The following RBFOX1 variants were observed in gnomAD, a reference collection of about 807,000 sequenced individuals.
RBFOX1 encodes RNA binding fox-1 homolog 1.
A neutral mutation model predicts 57.7 loss-of-function variants in RBFOX1; 8 were observed. The observed-to-expected ratio is 0.14, with a 90% CI of 0.08 to 0.25. RBFOX1 has a LOEUF of 0.25. Ranked by LOEUF, RBFOX1 falls within the 10% of genes least tolerant of loss-of-function variation. The probability of loss-of-function intolerance (pLI) is 1.00; values close to 1 mark genes in which losing one functional copy is unlikely to be tolerated. For missense variants in RBFOX1, 611 were observed against 548.5 expected, an observed-to-expected ratio of 1.11 and a Z score of -1.14; for synonymous variants, 326 against 222.4, an observed-to-expected ratio of 1.47 and a Z score of -4.15.
At chr16:6,066,893 C>T (rs752382757) in intron 1 of RBFOX1, among the ~76,000 whole-genome samples, 2 of 151,884 alleles carry the variant, frequency 1.3e-5, no homozygotes, top group Admixed American at 1.3e-4. Context: ...TAACAGGCTG[C>T]ATTTGACCGT....
intron 3 of RBFOX1, among the ~76,000 whole-genome samples, chr16:6,938,417 C>T (rs2077733831): frequency 6.6e-6 from 1 of 152,158 alleles, no homozygotes; most frequent in African/African-American, 2.4e-5. Context: ...AAAAATGTAA[C>T]TGTTACACTG....
intron 3 of RBFOX1, among the ~76,000 whole-genome samples, chr16:6,813,231 A>G (rs1051258053): frequency 3.3e-5 from 5 of 152,156 alleles, no homozygotes. Flanking sequence ...TGAAATTTAC[A>G]CTTCTCCGGT....
intron 4 of RBFOX1, among the ~76,000 whole-genome samples, chr16:7,064,386 C>T (rs374302759): frequency 6.6e-6 from 1 of 152,066 alleles, no homozygotes; most frequent in Non-Finnish European, 1.5e-5. Flanking sequence ...CCAGGCTGGT[C>T]TTGAACCCCT....
intron 1 of RBFOX1, among the ~76,000 whole-genome samples, chr16:6,112,634 T>A (rs1234471281): frequency 2.0e-5 from 3 of 152,116 alleles, no homozygotes; most frequent in Admixed American, 6.6e-5. Context: ...GAGGTTGCGG[T>A]GAGCTGAGAT....
chr16:5,827,357 G>A (rs1200034612), intron 3 of RBFOX1, among the ~76,000 whole-genome samples: 10 of 142,770 alleles, frequency 7.0e-5, no homozygotes, highest in African/African-American at 1.1e-4. Flanking sequence ...CCAAGATCGT[G>A]CCACTGCACT....
intron 3 of RBFOX1, among the ~76,000 whole-genome samples, chr16:6,870,687 C>T (rs2060710680): frequency 6.6e-6 from 1 of 152,142 alleles, no homozygotes; most frequent in Non-Finnish European, 1.5e-5. Context: ...AATTTTACAG[C>T]ACAGTTTAAT....
chr16:6,284,918 TC>T (rs2076747327), intron 1 of RBFOX1, among the ~76,000 whole-genome samples: 1 of 152,160 alleles, frequency 6.6e-6, no homozygotes, highest in Non-Finnish European at 1.5e-5. Context: ...CAAATACGCT[TC>T]CAAATGGCTG....
intron 3 of RBFOX1, among the ~76,000 whole-genome samples, chr16:6,892,552 C>G (rs974762609): frequency 1.3e-5 from 2 of 152,148 alleles, no homozygotes; most frequent in African/African-American, 4.8e-5. Context: ...CACCTGTAAT[C>G]TCTGCTACTC....
rs1317317477 is a variant in RBFOX1 at position 5,504,233 on chromosome 16, C to A, written c.258+36979C>A. Among the ~76,000 whole-genome samples, 5 of 152,214 alleles carry A rather than the reference C, an allele frequency of 3.3e-5. No individual in the cohort carries two copies. In the East Asian group the frequency reaches 9.6e-4, roughly 29 times the overall value. On this transcript the variant is annotated intron_variant, in intron 2 of 2. Coordinates refer to the RBFOX1 transcript ENST00000585867. ...AGCATGTCACCTGATTATTCCTACC[C>A]CTTCCCTGATCCCTGAGAGCCCAGA...
chr16:6,368,494 G>C (rs2089986247), intron 2 of RBFOX1, among the ~76,000 whole-genome samples: 1 of 152,146 alleles, frequency 6.6e-6, no homozygotes, highest in Non-Finnish European at 1.5e-5. Context: ...AGTTCTCTGG[G>C]TGTGCACCTC....
At chr16:7,172,302 C>G (rs764915540) in intron 4 of RBFOX1, among the ~76,000 whole-genome samples, 1 of 152,100 alleles carries the variant, frequency 6.6e-6, no homozygotes, top group Non-Finnish European at 1.5e-5. Context: ...ATGTAAATGC[C>G]CAGCAGTTTA....
chr16:6,982,546 A>G (rs1248134243), intron 3 of RBFOX1, among the ~76,000 whole-genome samples: 1 of 152,122 alleles, frequency 6.6e-6, no homozygotes, highest in African/African-American at 2.4e-5. Context: ...CATCCTTTTG[A>G]TGGAATCTCC....
intron 2 of RBFOX1, among the ~76,000 whole-genome samples, chr16:5,506,921 C>G (rs2043399830): frequency 6.6e-6 from 1 of 152,230 alleles, no homozygotes; most frequent in Admixed American, 6.5e-5. Context: ...CTGGAGTCCC[C>G]CCTACTAGTC....
intron 3 of RBFOX1, among the ~76,000 whole-genome samples, chr16:5,664,693 GA>G (rs1371793951): frequency 6.6e-6 from 1 of 152,176 alleles, no homozygotes; most frequent in East Asian, 1.9e-4. Context: ...TTGAGTATCA[GA>G]AAATCAGAAG....
chr16:5,366,348 TTTGATAATGAGAAAACTGAAGAAAAG>T (rs1473266972), intron 1 of RBFOX1: 3 of 364,318 alleles, frequency 8.2e-6, no homozygotes, highest in African/African-American at 6.4e-5. Flanking sequence ...TGATGATGAT[TTTGATAATGAGAAAACTGAAGAAAAG>T]TACCAGTGAA....
chr16:7,136,680 G>A (rs769967466), intron 4 of RBFOX1, among the ~76,000 whole-genome samples: 1 of 152,146 alleles, frequency 6.6e-6, no homozygotes, highest in East Asian at 1.9e-4. Flanking sequence ...GCCTCCCAAA[G>A]TGTTGGGATT....
chr16:6,742,442 A>G (rs1231399138), intron 3 of RBFOX1, among the ~76,000 whole-genome samples: 1 of 152,334 alleles, frequency 6.6e-6, no homozygotes, highest in Non-Finnish European at 1.5e-5. Context: ...AAATAAATAG[A>G]CATTTACCAA....
intron 4 of RBFOX1, among the ~76,000 whole-genome samples, chr16:7,442,327 C>A (rs1222220645): frequency 6.6e-6 from 1 of 152,156 alleles, no homozygotes; most frequent in African/African-American, 2.4e-5. Flanking sequence ...CGTCTCCCAG[C>A]ACAGCCTTCC....
intron 4 of RBFOX1, among the ~76,000 whole-genome samples, chr16:7,239,131 T>C (rs1399347007): frequency 6.6e-6 from 1 of 152,186 alleles, no homozygotes; most frequent in Non-Finnish European, 1.5e-5. Flanking sequence ...ATTATCATTT[T>C]CTCCTTTGCC....
Sources: gnomAD v4.1 joint callset for allele counts (sites outside exome capture counted in the v4.1 genomes callset) on GRCh38, gnomAD v4.1.1 for gene constraint, MANE v1.5 for transcripts, NCBI Gene and HGNC (gene_info 2026-07-23, HGNC 2026-07-21) for gene names.